The following CA1 variants were observed in gnomAD, a reference collection of about 807,000 sequenced individuals.
The protein encoded by CA1 is carbonate dehydratase I.
A neutral mutation model predicts 28.8 loss-of-function variants in CA1; 27 were observed. The ratio of observed to expected loss-of-function variants is 0.94; its 90% CI spans 0.69 to 1.29. The LOEUF is 1.29. Ranked by LOEUF, CA1 falls within the 50% of genes most tolerant of loss-of-function variation. The pLI, the probability that CA1 is intolerant of heterozygous loss-of-function variation, is 0.00. For missense variants in CA1, 335 were observed against 310.5 expected (o/e 1.08, Z -0.59); for synonymous variants, 121 against 108.8 (o/e 1.11, Z -0.70).
At chr8:85,344,717 C>T (rs1370641894) in intron 1 of CA1, among the ~76,000 whole-genome samples, 3 of 151,996 alleles carry the variant, frequency 2.0e-5, no homozygotes, top group African/African-American at 7.2e-5. Context: ...AAAAAGAGTG[C>T]CATCCGTGCC....
chr8:85,332,600 G>T, intron 5 of CA1, 48 bp from the exon 6 acceptor site: 2 of 1,364,578 alleles, frequency 1.5e-6, no homozygotes, highest in South Asian at 2.3e-5. Context: ...ATTATCAATC[G>T]AACACTGCTT....
intron 3 of CA1, among the ~76,000 whole-genome samples, chr8:85,337,648 C>A (rs937667774): frequency 2.6e-5 from 4 of 152,080 alleles, no homozygotes; most frequent in African/African-American, 7.2e-5. Context: ...TAATACCAGA[C>A]CTAATCTAAT....
chr8:85,346,687 G>T (rs535261540), intron 1 of CA1, among the ~76,000 whole-genome samples: 1 of 152,054 alleles, frequency 6.6e-6, no homozygotes, highest in Admixed American at 6.5e-5. Flanking sequence ...GCTTGAACCC[G>T]GGAGCCAGAG....
In CA1 at chr8:85,341,583, A is replaced by G; in HGVS notation, c.37+16T>C. 1.3e-6 allele frequency: 2 copies of G among 1,483,426 alleles called. No homozygotes were observed. Among genetic ancestry groups the G allele is most frequent in the South Asian group, 1.1e-5 (1 of 88,396 alleles). 91.9% of individuals were successfully genotyped at this position (1,483,426 alleles called of 1,614,324 possible). A position where few individuals can be genotyped will look rare whatever the true frequency, so the allele number is the denominator to read the frequency against. ...CAAGTTATCATTTTGATCTATATAAACAGGAGAACTCTTACCATTTTTGTC... is the reference window on the plus strand; with the variant it reads ...CAAGTTATCATTTTGATCTATATAAGCAGGAGAACTCTTACCATTTTTGTC... On this transcript the variant is annotated intron_variant, in intron 2 of 7. Coordinates refer to ENST00000523022, the MANE Select transcript of CA1 (RefSeq NM_001128831.4).
At chr8:85,334,888 G>T (rs1476787926) in intron 4 of CA1, among the ~76,000 whole-genome samples, 2 of 152,068 alleles carry the variant, frequency 1.3e-5, no homozygotes, top group Non-Finnish European at 2.9e-5. Context: ...TACTCAGGAG[G>T]CCGGGGCAGG....
intron 1 of CA1, among the ~76,000 whole-genome samples, chr8:85,352,339 C>T (rs1809443852): frequency 6.6e-6 from 1 of 152,182 alleles, no homozygotes; most frequent in African/African-American, 2.4e-5. Flanking sequence ...CTCTCTACTT[C>T]CTCAGCAGGA....
Position 85,352,666 on chromosome 8 carries a change from ATT to A in CA1, c.-24-11009_-24-11008del, listed in dbSNP as rs571013802. ...TCCTGCCAGCTCAGCCCTCAGCTCCATTTTTTTTTTTTTTTTTTGAGACATAG... is the reference window on the plus strand; with the variant it reads ...TCCTGCCAGCTCAGCCCTCAGCTCCATTTTTTTTTTTTTTTTGAGACATAG... On this transcript the variant is annotated intron_variant, in intron 1 of 7. Coordinates refer to ENST00000523022, the MANE Select transcript of CA1 (RefSeq NM_001128831.4). Among the ~76,000 whole-genome samples the A allele has an allele frequency of 6.1e-4, 77 of 126,056 alleles. 1 individual carries two copies. Among genetic ancestry groups the A allele is most frequent in the East Asian group, 2.8e-3 (12 of 4,310 alleles). 82.7% of individuals were successfully genotyped at this position (126,056 alleles called of 152,430 possible). A position where few individuals can be genotyped will look rare whatever the true frequency, so the allele number is the denominator to read the frequency against.
In CA1 at chr8:85,328,510, C is replaced by T; in HGVS notation, c.*50G>A. ...AAATTATTATTTTACTGGATTATGTCAGAAGCAGGGCTGTGTTCTTGAGGA... is the reference window on the plus strand; with the variant it reads ...AAATTATTATTTTACTGGATTATGTTAGAAGCAGGGCTGTGTTCTTGAGGA... On this transcript the variant is annotated 3_prime_UTR_variant, in exon 8 of 8. Coordinates refer to ENST00000523022, the MANE Select transcript of CA1 (RefSeq NM_001128831.4). 1 of 971,626 alleles carries T rather than the reference C, an allele frequency of 1.0e-6. No individual in the cohort carries two copies. The highest frequency in any genetic ancestry group is 1.7e-6 in the Non-Finnish European group (1 of 597,532). 60.2% of individuals were successfully genotyped at this position (971,626 alleles called of 1,614,324 possible).
chr8:85,371,276 A>G (rs1385296762), intron 1 of CA1, among the ~76,000 whole-genome samples: 1 of 152,166 alleles, frequency 6.6e-6, no homozygotes, highest in East Asian at 1.9e-4. Flanking sequence ...CCTAAAGGTA[A>G]GCCTCTGGCT....
chr8:85,334,599 C>T (rs1808560909), intron 4 of CA1, among the ~76,000 whole-genome samples: 1 of 151,416 alleles, frequency 6.6e-6, no homozygotes, highest in Admixed American at 6.6e-5. Flanking sequence ...TTCCTCCCTC[C>T]CTCCCTTCCT....
intron 1 of CA1, among the ~76,000 whole-genome samples, chr8:85,358,974 G>A (rs980225490): frequency 6.6e-6 from 1 of 152,174 alleles, no homozygotes; most frequent in African/African-American, 2.4e-5. Flanking sequence ...GTCACTCTAA[G>A]CCACTGAGTT....
chr8:85,372,239 T>TA (rs1401000541), intron 1 of CA1, among the ~76,000 whole-genome samples: 4 of 151,954 alleles, frequency 2.6e-5, no homozygotes, highest in Non-Finnish European at 5.9e-5. Flanking sequence ...AGGCCCTCTT[T>TA]AAAAAAGAAT....
At chr8:85,345,489 G>A (rs71522996) in intron 1 of CA1, among the ~76,000 whole-genome samples, 6 of 152,072 alleles carry the variant, frequency 3.9e-5, no homozygotes, top group Non-Finnish European at 8.8e-5. Context: ...TCTATGATAT[G>A]ATAAAACCTT....
At chr8:85,353,830 G>C (rs1287605792) in intron 1 of CA1, among the ~76,000 whole-genome samples, 1 of 152,136 alleles carries the variant, frequency 6.6e-6, no homozygotes, top group Non-Finnish European at 1.5e-5. Context: ...ACTGCTACTG[G>C]ATACAGGAAA....
intron 1 of CA1, among the ~76,000 whole-genome samples, chr8:85,356,865 C>T (rs1809623706): frequency 6.6e-6 from 1 of 152,126 alleles, no homozygotes; most frequent in African/African-American, 2.4e-5. Context: ...TTCCTCAACC[C>T]TTAAAAACTT....
At chr8:85,354,669 G>A (rs1809539695) in intron 1 of CA1, among the ~76,000 whole-genome samples, 1 of 152,176 alleles carries the variant, frequency 6.6e-6, no homozygotes, top group Non-Finnish European at 1.5e-5. Flanking sequence ...TCTGACTGAA[G>A]GGTGTGTGTG....
At chr8:85,329,599 G>T in intron 7 of CA1, 90 bp downstream of exon 7, 4 of 1,149,314 alleles carry the variant, frequency 3.5e-6, no homozygotes, top group Non-Finnish European at 5.1e-6. Flanking sequence ...TCACAAAGCT[G>T]ACTGAAATAA....
intron 2 of CA1, chr8:85,341,157 T>C (rs1808905605): frequency 6.5e-6 from 1 of 154,276 alleles, no homozygotes; most frequent in Admixed American, 6.5e-5. Context: ...AAAAAAAAAT[T>C]AATACTTCTG....
intron 4 of CA1, among the ~76,000 whole-genome samples, chr8:85,334,277 G>T (rs1808545469): frequency 6.6e-6 from 1 of 152,134 alleles, no homozygotes; most frequent in African/African-American, 2.4e-5. Flanking sequence ...GTTTTTAAAT[G>T]CTCAATCAAT....
Sources: allele counts gnomAD v4.1 joint callset (sites outside exome capture counted in the v4.1 genomes callset), GRCh38; gene constraint gnomAD v4.1.1; transcripts MANE v1.5; gene names NCBI Gene and HGNC (gene_info 2026-07-23, HGNC 2026-07-21).